PCDH7: variants seen among roughly 807,000 people sequenced by gnomAD.
PCDH7 encodes protocadherin-7.
A neutral mutation model predicts 58.9 loss-of-function variants in PCDH7; 17 were observed. The observed-to-expected ratio is 0.29, with a 90% CI of 0.20 to 0.43. The LOEUF is 0.43. Among genes scored for constraint, PCDH7 ranks in the 20% least tolerant of loss-of-function variants. The probability of loss-of-function intolerance (pLI) is 1.00; values close to 1 mark genes in which losing one functional copy is unlikely to be tolerated. For synonymous variants in PCDH7, 664 were observed against 616.4 expected (o/e 1.08, Z -1.14); for missense variants, 1,274 against 1,441.0 (o/e 0.88, Z 1.88).
intron 3 of PCDH7, among the ~76,000 whole-genome samples, chr4:30,983,986 T>C (rs1424783930): frequency 6.6e-6 from 1 of 152,216 alleles, no homozygotes; most frequent in African/African-American, 2.4e-5. Context: ...CTGTAGTAAA[T>C]TCTGAGACCT....
chr4:30,738,730 A>G (rs1166797674), intron 1 of PCDH7, among the ~76,000 whole-genome samples: 1 of 152,200 alleles, frequency 6.6e-6, no homozygotes, highest in Non-Finnish European at 1.5e-5. Context: ...TTAAAATTTT[A>G]GTGCATTTTC....
At chr4:30,805,754 T>C (rs1726118179) in intron 1 of PCDH7, among the ~76,000 whole-genome samples, 1 of 152,156 alleles carries the variant, frequency 6.6e-6, no homozygotes. Context: ...TACTTCAAAA[T>C]TTTATACCAA....
intron 1 of PCDH7, among the ~76,000 whole-genome samples, chr4:30,903,387 G>A (rs747647635): frequency 1.3e-5 from 2 of 151,458 alleles, no homozygotes; most frequent in Admixed American, 6.6e-5. Flanking sequence ...AAATAAAGAC[G>A]TTTATTATCA....
chr4:31,110,550 T>C (rs1395729352), intron 3 of PCDH7, among the ~76,000 whole-genome samples: 2 of 152,224 alleles, frequency 1.3e-5, no homozygotes, highest in East Asian at 3.8e-4. Flanking sequence ...CAAAAACGTA[T>C]TTTGTTTAAG....
At chr4:30,750,864 A>G (rs947944311) in intron 1 of PCDH7, among the ~76,000 whole-genome samples, 13 of 152,154 alleles carry the variant, frequency 8.5e-5, no homozygotes, top group African/African-American at 3.1e-4. Context: ...ATAAAGTACT[A>G]TGATAGAGAA....
chr4:31,146,101 C>G (rs1042093627), downstream of PCDH7: 1 of 152,042 alleles, frequency 6.6e-6, no homozygotes, highest in Non-Finnish European at 1.5e-5. Flanking sequence ...GACTGGCCTG[C>G]TGCCTGAGTT....
Position 30,722,362 on chromosome 4 carries a change from G to C in PCDH7, c.940G>C (p.Glu314Gln). The C allele has an allele frequency of 6.2e-7, 1 of 1,612,412 alleles. No homozygotes were observed. The highest frequency in any genetic ancestry group is 8.5e-7 in the Non-Finnish European group (1 of 1,179,854). ...CCCCCGCTTCGAGAAGAGCGTGTAC[G>C]AGGCCGACTTGGCTGAGAACAGCGC... The change falls in exon 1 of 2, where the codon GAG becomes CAG. Residue 314 changes from glutamate to glutamine, a missense_variant. Around this residue, in one of 3 missense-constraint regions of PCDH7, gnomAD observed 331 missense variants for 303.2 expected, o/e 1.09. Coordinates refer to ENST00000361762, the Ensembl canonical transcript of PCDH7. This position sits in a 1 kb window ranked among gnomAD's most constrained non-coding sequence, Gnocchi z 7.6.
chr4:30,731,096 CA>C (rs2109237625), exon 2 of PCDH7: 1 of 1,082,528 alleles, frequency 9.2e-7, no homozygotes, highest in Non-Finnish European at 1.1e-6. Context: ...TTAAAAAATC[CA>C]AAAGCATATT....
chr4:30,875,530 CCGTT>C (rs1447873947), intron 1 of PCDH7, among the ~76,000 whole-genome samples: 4 of 152,050 alleles, frequency 2.6e-5, no homozygotes, highest in Non-Finnish European at 4.4e-5. Flanking sequence ...TTTACGTAGT[CCGTT>C]TGTGTCAGAA....
chr4:30,909,742 C>T (rs986188233), intron 1 of PCDH7, among the ~76,000 whole-genome samples: 4 of 152,042 alleles, frequency 2.6e-5, no homozygotes, highest in African/African-American at 9.7e-5. Context: ...TGAACATGGC[C>T]ATACTGACCA....
intron 3 of PCDH7, among the ~76,000 whole-genome samples, chr4:31,139,067 G>A (rs575466473): frequency 5.9e-5 from 9 of 152,008 alleles, no homozygotes; most frequent in Middle Eastern, 3.2e-3. Context: ...CTAATAAGAT[G>A]CAATGATTCT....
intron 3 of PCDH7, among the ~76,000 whole-genome samples, chr4:30,993,091 G>A (rs1456644026): frequency 6.6e-6 from 1 of 152,084 alleles, no homozygotes; most frequent in East Asian, 1.9e-4. Context: ...GAGCCACCGT[G>A]CCCGGCCTGT....
At chr4:30,748,273 CAGT>C in intron 1 of PCDH7, among the ~76,000 whole-genome samples, 1 of 152,282 alleles carries the variant, frequency 6.6e-6, no homozygotes, top group South Asian at 2.1e-4. Flanking sequence ...GCTTGAGATA[CAGT>C]AGGTCTCATC....
At chr4:30,807,894 A>G (rs928732032) in intron 1 of PCDH7, among the ~76,000 whole-genome samples, 1 of 152,166 alleles carries the variant, frequency 6.6e-6, no homozygotes, top group Non-Finnish European at 1.5e-5. Context: ...ATTTATGGAG[A>G]CTCTGATACA....
chr4:31,087,870 C>G (rs1238034117), intron 3 of PCDH7, among the ~76,000 whole-genome samples: 1 of 151,934 alleles, frequency 6.6e-6, no homozygotes, highest in African/African-American at 2.4e-5. Context: ...GTAGTAGGTG[C>G]TCAATAAGTA....
chr4:30,899,419 A>G (rs1433606242), intron 1 of PCDH7, among the ~76,000 whole-genome samples: 1 of 152,122 alleles, frequency 6.6e-6, no homozygotes, highest in Non-Finnish European at 1.5e-5. Context: ...CTAATTTCCT[A>G]TCTAGGTCCC....
intron 1 of PCDH7, among the ~76,000 whole-genome samples, chr4:30,745,091 G>A (rs554891111): frequency 6.6e-6 from 1 of 152,174 alleles, no homozygotes; most frequent in African/African-American, 2.4e-5. Context: ...AAAACAAGGA[G>A]TTTATATAAA....
At chr4:30,729,992 A>C (rs9918044) in intron 1 of PCDH7, among the ~76,000 whole-genome samples, 108,148 of 151,668 alleles carry the variant, frequency 0.71, 38,824 homozygotes, top group East Asian at 0.85. Context: ...AACTAAATAT[A>C]GTGTGACAAA....
At chr4:30,938,614 G>A (rs1458218288) in intron 2 of PCDH7, among the ~76,000 whole-genome samples, 1 of 151,918 alleles carries the variant, frequency 6.6e-6, no homozygotes, top group Non-Finnish European at 1.5e-5. Flanking sequence ...TTTTATTTTG[G>A]ACATGTTCTA....
Sources: allele counts gnomAD v4.1 joint callset (sites outside exome capture counted in the v4.1 genomes callset), GRCh38; gene constraint gnomAD v4.1.1; regional missense constraint gnomAD v4.1.1; non-coding constraint Gnocchi (gnomAD v3.1); transcripts MANE v1.5; gene names NCBI Gene and HGNC (gene_info 2026-07-23, HGNC 2026-07-21).